NEK7: variants seen among roughly 807,000 people sequenced by gnomAD.
NEK7 encodes NIMA related kinase 7.
NEK7 carries 18 observed loss-of-function variants against 44.6 expected under a neutral mutation model. The observed-to-expected ratio is 0.40, with a 90% CI of 0.28 to 0.60. NEK7 has a LOEUF of 0.60. Among genes scored for constraint, NEK7 ranks in the 20% least tolerant of loss-of-function variants. NEK7 has a pLI of 0.38. For missense variants in NEK7, 256 were observed against 366.5 expected (o/e 0.70, Z 2.46); for synonymous variants, 130 against 121.1 (o/e 1.07, Z -0.48).
At chr1:198,222,730 A>T (rs1379126396) in intron 1 of NEK7, among the ~76,000 whole-genome samples, 1 of 152,164 alleles carries the variant, frequency 6.6e-6, no homozygotes, top group Non-Finnish European at 1.5e-5. Context: ...GTACTTGCTG[A>T]TGAATACAGC....
chr1:198,305,233 GTGAT>G (rs1486736670), intron 9 of NEK7, among the ~76,000 whole-genome samples: 1 of 152,090 alleles, frequency 6.6e-6, no homozygotes, highest in African/African-American at 2.4e-5. Context: ...TTTTGAACAA[GTGAT>G]TGATTAATAC....
intron 2 of NEK7, among the ~76,000 whole-genome samples, chr1:198,240,480 A>G (rs1455542598): frequency 1.4e-5 from 2 of 147,816 alleles, no homozygotes; most frequent in African/African-American, 5.1e-5. Context: ...ACAGTTTAAG[A>G]CAGAGTGAGA....
At chr1:198,236,398 T>A (rs1666546006) in intron 2 of NEK7, among the ~76,000 whole-genome samples, 1 of 152,180 alleles carries the variant, frequency 6.6e-6, no homozygotes, top group Non-Finnish European at 1.5e-5. Flanking sequence ...AGCAGTAGCT[T>A]TTTTGAGGAA....
At position 198,157,192 on chromosome 1, in the gene NEK7, G is replaced by C. The variant is rs915453963; in HGVS notation, c.-113G>C. 1 of 151,844 alleles carries C rather than the reference G, an allele frequency of 6.6e-6. No individual in the cohort carries two copies. The highest frequency in any genetic ancestry group is 2.4e-5 in the African/African-American group (1 of 41,392). 9.4% of individuals were successfully genotyped at this position (151,844 alleles called of 1,614,324 possible). A position where few individuals can be genotyped will look rare whatever the true frequency, so the allele number is the denominator to read the frequency against. ...GCAGCCTCAGCCCCCGGCCCAGCGC[G>C]CTTTCCGACGGCGGCGCCGCGCCGA... On this transcript the variant is annotated 5_prime_UTR_variant, in exon 1 of 10. Transcript: ENST00000367385.
intron 7 of NEK7, among the ~76,000 whole-genome samples, chr1:198,287,578 A>G (rs1195693087): frequency 1.3e-5 from 2 of 152,084 alleles, no homozygotes; most frequent in East Asian, 3.9e-4. Context: ...ATTTACATTT[A>G]CTTTTCAAGG....
intron 1 of NEK7, among the ~76,000 whole-genome samples, chr1:198,225,654 A>G (rs1183650064): frequency 6.6e-6 from 1 of 152,042 alleles, no homozygotes; most frequent in African/African-American, 2.4e-5. Context: ...TTTTGCTACT[A>G]ACTCCCCACC....
At chr1:198,258,231 G>C (rs935044176) in intron 3 of NEK7, among the ~76,000 whole-genome samples, 4 of 152,170 alleles carry the variant, frequency 2.6e-5, no homozygotes, top group Non-Finnish European at 5.9e-5. Context: ...ACGAAGTCAA[G>C]AGATCAAGAC....
intron 1 of NEK7, among the ~76,000 whole-genome samples, chr1:198,204,978 TAAC>T (rs1665552462): frequency 6.6e-6 from 1 of 152,122 alleles, no homozygotes; most frequent in Non-Finnish European, 1.5e-5. Flanking sequence ...ACAACAATAT[TAAC>T]AACAACTAAA....
chr1:198,310,819 C>G (rs1655159929), intron 9 of NEK7, among the ~76,000 whole-genome samples: 1 of 152,002 alleles, frequency 6.6e-6, no homozygotes, highest in African/African-American at 2.4e-5. Context: ...GGACCACTAC[C>G]ATGCTGTTTT....
chr1:198,252,945 C>T (rs1379038854), intron 2 of NEK7, 95 bp from the exon 3 acceptor site: 6 of 1,020,280 alleles, frequency 5.9e-6, no homozygotes, highest in Admixed American at 4.4e-5. Flanking sequence ...CAAACTTACC[C>T]TATGTGTCAC....
intron 1 of NEK7, 46 bp from the exon 2 acceptor site, chr1:198,232,507 T>C: frequency 1.2e-6 from 1 of 853,184 alleles, no homozygotes; most frequent in South Asian, 1.4e-5. Flanking sequence ...ATGATGTGAA[T>C]TGGTAATGAT....
chr1:198,227,301 C>G lies in NEK7; in HGVS notation c.-28-5252C>G, dbSNP rs551616513. 2.0e-5 allele frequency among the ~76,000 whole-genome samples: 3 copies of G among 152,296 alleles called. No homozygotes were observed. The East Asian group carries it at 5.8e-4, about 29-fold the overall frequency. ...CATTTGGGTTGGTTCCAAGTCTTTGCTATTGTGAATAGTGCTGCTATAAAC... is the reference window on the plus strand; with the variant it reads ...CATTTGGGTTGGTTCCAAGTCTTTGGTATTGTGAATAGTGCTGCTATAAAC... On this transcript the variant is annotated intron_variant, in intron 1 of 9. Coordinates refer to ENST00000367385, the MANE Select transcript of NEK7 (RefSeq NM_133494.3).
At chr1:198,210,902 G>A (rs1020278542) in intron 1 of NEK7, among the ~76,000 whole-genome samples, 5 of 151,238 alleles carry the variant, frequency 3.3e-5, no homozygotes, top group African/African-American at 7.3e-5. Context: ...ACAGGCGCCC[G>A]CCACTACGCC....
intron 5 of NEK7, among the ~76,000 whole-genome samples, chr1:198,271,190 C>T (rs1653833773): frequency 6.6e-6 from 1 of 151,972 alleles, no homozygotes; most frequent in Non-Finnish European, 1.5e-5. Context: ...ATGCTAATGT[C>T]CTTCTTGATT....
intron 5 of NEK7, among the ~76,000 whole-genome samples, chr1:198,277,459 T>G (rs991947774): frequency 6.6e-6 from 1 of 151,882 alleles, no homozygotes; most frequent in Non-Finnish European, 1.5e-5. Flanking sequence ...AGTAGAAATA[T>G]TCATGAAAAC....
intron 6 of NEK7, among the ~76,000 whole-genome samples, chr1:198,278,716 A>G (rs1654098043): frequency 6.6e-6 from 1 of 151,912 alleles, no homozygotes; most frequent in Non-Finnish European, 1.5e-5. Context: ...TGCATTTGAA[A>G]TAGAAATTAA....
At chr1:198,260,128 T>A (rs1653407370) in intron 3 of NEK7, among the ~76,000 whole-genome samples, 1 of 152,196 alleles carries the variant, frequency 6.6e-6, no homozygotes, top group Non-Finnish European at 1.5e-5. Flanking sequence ...TAAGCTTGTC[T>A]GTACTCAGGA....
Position 198,227,741 on chromosome 1 carries a change from T to G in NEK7, c.-28-4812T>G, listed in dbSNP as rs1312862510. ...TTTGTTTTTTTCTTGTAAATTTGTT[T>G]GAGTTTATTGTAGATTCTGGATATT... is the stretch of plus-strand genomic sequence containing the variant. On this transcript the variant is annotated intron_variant, in intron 1 of 9. Transcript: ENST00000367385. Among the ~76,000 whole-genome samples, 5 of 152,366 alleles carry G rather than the reference T, an allele frequency of 3.3e-5. 1 individual carries two copies. Among genetic ancestry groups the G allele is most frequent in the African/African-American group, 1.2e-4 (5 of 41,590 alleles).
intron 9 of NEK7, among the ~76,000 whole-genome samples, chr1:198,308,036 CA>C (rs1222016551): frequency 6.6e-6 from 1 of 152,016 alleles, no homozygotes; most frequent in Non-Finnish European, 1.5e-5. Flanking sequence ...TTGGATTTTT[CA>C]TCTATAAAAT....
Sources: gnomAD v4.1 joint callset for allele counts (sites outside exome capture counted in the v4.1 genomes callset) on GRCh38, gnomAD v4.1.1 for gene constraint, MANE v1.5 for transcripts, NCBI Gene and HGNC (gene_info 2026-07-23, HGNC 2026-07-21) for gene names.